STK31: variants seen among roughly 807,000 people sequenced by gnomAD.
STK31 encodes the protein serine/threonine-protein kinase 31.
In STK31, 89 loss-of-function variants were observed where a neutral mutation model predicts 129.7. That is an observed-to-expected ratio of 0.69 (90% CI 0.58 to 0.82). STK31 has a LOEUF of 0.82. STK31 is among the 40% of genes least tolerant of loss of function. The pLI is 0.00. For synonymous variants in STK31, 448 were observed against 395.3 expected, an observed-to-expected ratio of 1.13 and a Z score of -1.58; for missense variants, 1,187 against 1,176.4, an observed-to-expected ratio of 1.01 and a Z score of -0.13.
At chr7:23,733,384 T>TA (rs1374458349) in intron 6 of STK31, among the ~76,000 whole-genome samples, 1 of 145,232 alleles carries the variant, frequency 6.9e-6, no homozygotes, top group East Asian at 2.0e-4. Context: ...AGACCCCATC[T>TA]AAAAAATTCT....
intron 23 of STK31, 138 bp from the exon 24 acceptor site, chr7:23,831,998 G>T: frequency 4.8e-6 from 3 of 625,108 alleles, no homozygotes; most frequent in Non-Finnish European, 8.5e-6. Context: ...TTGTTGAGGG[G>T]AGTACCAGAT....
At chr7:23,749,782 A>C (rs1210501924) in intron 8 of STK31, among the ~76,000 whole-genome samples, 1 of 152,120 alleles carries the variant, frequency 6.6e-6, no homozygotes, top group East Asian at 1.9e-4. Context: ...ATTAGGTCTC[A>C]GTCTTTTTGT....
chr7:23,720,564 A>G (rs1426436913), intron 4 of STK31, among the ~76,000 whole-genome samples: 1 of 152,212 alleles, frequency 6.6e-6, no homozygotes, highest in Non-Finnish European at 1.5e-5. Context: ...GAGAGTTAAG[A>G]TAACCTCATT....
At chr7:23,731,691 T>A (rs1311663236) in intron 6 of STK31, among the ~76,000 whole-genome samples, 2 of 152,196 alleles carry the variant, frequency 1.3e-5, no homozygotes, top group Non-Finnish European at 2.9e-5. Context: ...GAATTGATGC[T>A]CAGAATGGTA....
intron 5 of STK31, chr7:23,727,613 A>G (rs930917948): frequency 3.4e-5 from 9 of 261,536 alleles, no homozygotes; most frequent in Non-Finnish European, 5.9e-5. Flanking sequence ...CCCAGGCTGG[A>G]GTGCAGTGGT....
intron 10 of STK31, among the ~76,000 whole-genome samples, chr7:23,756,102 A>G (rs1396176468): frequency 6.6e-6 from 1 of 152,192 alleles, no homozygotes; most frequent in Non-Finnish European, 1.5e-5. Flanking sequence ...AGCCATTTTC[A>G]TGATATTGAG....
At chr7:23,723,858 C>G (rs1430913511) in intron 4 of STK31, among the ~76,000 whole-genome samples, 1 of 152,126 alleles carries the variant, frequency 6.6e-6, no homozygotes, top group Non-Finnish European at 1.5e-5. Flanking sequence ...ACTGTTATAC[C>G]TAGGCGAGTT....
At chr7:23,792,135 A>C (rs1791657360) in intron 22 of STK31, among the ~76,000 whole-genome samples, 1 of 152,214 alleles carries the variant, frequency 6.6e-6, no homozygotes, top group African/African-American at 2.4e-5. Context: ...TGTTCCAATC[A>C]GTGTAATAAG....
intron 15 of STK31, among the ~76,000 whole-genome samples, chr7:23,772,640 C>T (rs986211230): frequency 6.6e-6 from 1 of 152,032 alleles, no homozygotes; most frequent in Non-Finnish European, 1.5e-5. Flanking sequence ...TCGAAGGTAG[C>T]GTTTTGTCAT....
At chr7:23,766,747 T>C (rs536782685) in intron 11 of STK31, among the ~76,000 whole-genome samples, 1 of 152,342 alleles carries the variant, frequency 6.6e-6, no homozygotes, top group African/African-American at 2.4e-5. Flanking sequence ...TTGATAATTA[T>C]TTATTGAGAT....
At chr7:23,760,000 A>G (rs191892024) in intron 10 of STK31, among the ~76,000 whole-genome samples, 2 of 152,266 alleles carry the variant, frequency 1.3e-5, no homozygotes, top group Admixed American at 1.3e-4. Context: ...ACTATTAATT[A>G]GTGTCTGAGT....
At chr7:23,750,067 T>TACCACCCCCCCCCCCCC (rs1788611310) in intron 8 of STK31, among the ~76,000 whole-genome samples, 1 of 90,556 alleles carries the variant, frequency 1.1e-5, no homozygotes, top group African/African-American at 3.9e-5. Flanking sequence ...ATGGTTTGTT[T>TACCACCCCCCCCCCCCC]CCCCCCCCGC....
chr7:23,798,515 A>G (rs111439940), intron 22 of STK31, among the ~76,000 whole-genome samples: 20,751 of 113,678 alleles, frequency 0.18, 2,787 homozygotes, highest in East Asian at 0.27. Flanking sequence ...GATTACCTCA[A>G]TAGATGCAAG....
rs779427515 is a variant in STK31, at chr7:23,783,591, A to G, written c.2076A>G (p.Leu692=). Reference sequence around the variant, plus strand: ...TTTTTTTTTAACTTTAGGAGATGCTAACTAGTTTGGCACAGAAATGGTTCC... The same window carrying G: ...TTTTTTTTTAACTTTAGGAGATGCTGACTAGTTTGGCACAGAAATGGTTCC... ...IYHEREEYEM[L]TSLAQKWFPE... Residue 692 remains leucine (L), a synonymous_variant, in exon 17 of 24, where the codon CTA becomes CTG. Coordinates refer to ENST00000355870, the MANE Select transcript of STK31 (RefSeq NM_031414.5). 3.5e-5 allele frequency: 57 copies of G among 1,608,918 alleles called. No individual in the cohort carries two copies. Among genetic ancestry groups the G allele is most frequent in the Non-Finnish European group, 4.6e-5 (54 of 1,179,024 alleles).
At chr7:23,768,799 C>T (rs1321556712) in intron 11 of STK31, among the ~76,000 whole-genome samples, 196 bp from the exon 12 acceptor site, 2 of 152,104 alleles carry the variant, frequency 1.3e-5, no homozygotes, top group East Asian at 3.9e-4. Flanking sequence ...ATAAACTTTA[C>T]TGTTATGGTC....
chr7:23,710,589 C>G lies in STK31; in HGVS notation c.50+254C>G. 8 of 1,334,106 alleles carry G rather than the reference C, an allele frequency of 6.0e-6. No individual in the cohort carries two copies. The South Asian group carries it at 1.1e-4, about 18-fold the overall frequency. 82.6% of individuals were successfully genotyped at this position (1,334,106 alleles called of 1,614,324 possible). A position where few individuals can be genotyped will look rare whatever the true frequency, so the allele number is the denominator to read the frequency against. ...GACGCGGTCACGCAGCCTCCACACTCTCTTCCCCTTCTCGAAAATTCTGTG... is the reference window on the plus strand; with the variant it reads ...GACGCGGTCACGCAGCCTCCACACTGTCTTCCCCTTCTCGAAAATTCTGTG... On this transcript the variant is annotated intron_variant, in intron 1 of 23. Coordinates refer to ENST00000355870, the MANE Select transcript of STK31 (RefSeq NM_031414.5).
intron 22 of STK31, among the ~76,000 whole-genome samples, chr7:23,806,377 C>T (rs578210993): frequency 3.0e-4 from 46 of 152,132 alleles, no homozygotes; most frequent in Admixed American, 5.2e-4. Flanking sequence ...AAGTTATGTT[C>T]CATATGCTGT....
intron 8 of STK31, among the ~76,000 whole-genome samples, chr7:23,743,726 T>C (rs898469898): frequency 1.3e-5 from 2 of 152,134 alleles, no homozygotes; most frequent in African/African-American, 4.8e-5. Flanking sequence ...TAAGAAGTTT[T>C]TGATCCCTTT....
chr7:23,829,289 G>A (rs1398676539), intron 23 of STK31, among the ~76,000 whole-genome samples: 1 of 152,008 alleles, frequency 6.6e-6, no homozygotes, highest in Non-Finnish European at 1.5e-5. Flanking sequence ...TTTTGTTGAG[G>A]TGTGTTACTT....
Sources: gnomAD v4.1 joint callset for allele counts (sites outside exome capture counted in the v4.1 genomes callset) on GRCh38, gnomAD v4.1.1 for gene constraint, MANE v1.5 for transcripts, NCBI Gene and HGNC (gene_info 2026-07-23, HGNC 2026-07-21) for gene names.